Variants in PHEX observed in about 807,000 individuals in gnomAD.
PHEX encodes the protein phosphate-regulating neutral endopeptidase PHEX.
In PHEX, 16 loss-of-function variants were observed where a neutral mutation model predicts 68.0. The ratio of observed to expected loss-of-function variants is 0.24; its 90% CI spans 0.16 to 0.36. PHEX has a LOEUF of 0.36. PHEX is among the 10% of genes least tolerant of loss of function. The pLI, the probability that PHEX is intolerant of heterozygous loss-of-function variation, is 1.00. For synonymous variants in PHEX, 208 were observed against 205.1 expected (o/e 1.01, Z -0.12); for missense variants, 480 against 575.5 (o/e 0.83, Z 1.70).
intron 21 of PHEX, among the ~76,000 whole-genome samples, chrX:22,245,967 T>C (rs1251526408): frequency 9.0e-6 from 1 of 111,387 alleles, no homozygotes; most frequent in Non-Finnish European, 1.9e-5. Flanking sequence ...CAAACATGAA[T>C]GAATGGCCAC....
intron 5 of PHEX, among the ~76,000 whole-genome samples, chrX:22,085,574 CA>C (rs61594590): frequency 0.13 from 6,770 of 52,674 alleles, 277 homozygotes; most frequent in African/African-American, 0.22. Context: ...GACTCCATCT[CA>C]AAAAAAAAAA....
chrX:22,193,911 C>T (rs1934281987), intron 15 of PHEX, among the ~76,000 whole-genome samples: 1 of 112,262 alleles, frequency 8.9e-6, no homozygotes, highest in Non-Finnish European at 1.9e-5. Flanking sequence ...CAACTCTTGG[C>T]ATTGGTAGAT....
In PHEX at chrX:22,077,742, G is replaced by C. The variant is rs1238587607; in HGVS notation, c.663+40G>C. ...CATTCATCTTCTTTGCTCAGTCCTA[G>C]ATTAGCCTTTTGGGGTGCCATCCTG... On this transcript the variant is annotated intron_variant, in intron 5 of 21. Transcript: ENST00000379374. The C allele has an allele frequency of 4.8e-6, 5 of 1,050,848 alleles. No homozygotes were observed. The Admixed American group carries it at 6.6e-5, about 14-fold the overall frequency. 86.6% of individuals were successfully genotyped at this position (1,050,848 alleles called of 1,213,427 possible). A position where few individuals can be genotyped will look rare whatever the true frequency, so the allele number is the denominator to read the frequency against.
rs764916181 is a variant in PHEX, at chrX:22,063,835, C to G, written c.350-12553C>G. On this transcript the variant is annotated intron_variant, in intron 3 of 21. Transcript: ENST00000379374. ...TTCAGTATTTCTGACATATTTATTA[C>G]TTTCCAGAATGGAAATACTAGTTCT... Among the ~76,000 whole-genome samples, 3 of 112,967 alleles carry G rather than the reference C, an allele frequency of 2.7e-5. No individual in the cohort carries two copies. The East Asian group carries it at 8.3e-4, about 31-fold the overall frequency.
intron 9 of PHEX, among the ~76,000 whole-genome samples, chrX:22,108,713 G>A (rs1362368776): frequency 6.3e-5 from 7 of 110,763 alleles, no homozygotes; most frequent in African/African-American, 9.9e-5. Flanking sequence ...AGGCTGAGGC[G>A]GGAGGATCAC....
chrX:22,238,800 G>A (rs898682308), intron 20 of PHEX, among the ~76,000 whole-genome samples: 5 of 111,863 alleles, frequency 4.5e-5, no homozygotes, highest in African/African-American at 1.6e-4. Flanking sequence ...GCATCTAGGG[G>A]AAGGGGCAGC....
chrX:22,091,969 A>G (rs898300586), intron 6 of PHEX, among the ~76,000 whole-genome samples: 1 of 111,624 alleles, frequency 9.0e-6, no homozygotes, highest in African/African-American at 3.3e-5. Flanking sequence ...ATGTGGGGGA[A>G]ACCACCCCCA....
At chrX:22,232,910 A>G (rs1430304206) in intron 20 of PHEX, among the ~76,000 whole-genome samples, 1 of 110,235 alleles carries the variant, frequency 9.1e-6, no homozygotes, top group Non-Finnish European at 1.9e-5. Context: ...TTTCTTTACA[A>G]TTTGGTGTTT....
chrX:22,086,597 C>A (rs899696012), intron 5 of PHEX, among the ~76,000 whole-genome samples: 6 of 111,240 alleles, frequency 5.4e-5, no homozygotes, highest in African/African-American at 2.0e-4. Flanking sequence ...GCAACTGATT[C>A]ATCCTTATAT....
At position 22,076,763 on chromosome X, in the gene PHEX, T is replaced by C. The variant is rs748586421; in HGVS notation, c.436+289T>C. 3.6e-5 allele frequency among the ~76,000 whole-genome samples: 4 copies of C among 112,231 alleles called. No homozygotes were observed. The South Asian group carries it at 1.5e-3, about 41-fold the overall frequency. On this transcript the variant is annotated intron_variant, in intron 4 of 21. Coordinates refer to ENST00000379374, the MANE Select transcript of PHEX (RefSeq NM_000444.6). ...TCAGCAGGGCAAACTCCACTGTATC[T>C]GGTAGAGAATCCAGAAGCCAGGCCA...
At chrX:22,132,108 T>C (rs1397221378) in intron 11 of PHEX, among the ~76,000 whole-genome samples, 1 of 111,059 alleles carries the variant, frequency 9.0e-6, no homozygotes, top group Non-Finnish European at 1.9e-5. Context: ...ATTTTATTAT[T>C]ATTTTTTTAG....
intron 3 of PHEX, among the ~76,000 whole-genome samples, chrX:22,056,875 A>G (rs956708623): frequency 6.4e-5 from 7 of 109,752 alleles, no homozygotes; most frequent in Non-Finnish European, 9.5e-5. Context: ...ATTGTAATCA[A>G]TACTCTAGAA....
rs780324969 is a variant in PHEX at position 22,248,063 on chromosome X, A to T, written c.*110A>T. On this transcript the variant is annotated 3_prime_UTR_variant, in exon 22 of 22. Coordinates refer to ENST00000379374, the MANE Select transcript of PHEX (RefSeq NM_000444.6). ...GCCTGGAGACTTTCATTTTTAGTGC[A>T]TTTTCATTATTTGGGTAGGTGACCT... is the stretch of plus-strand genomic sequence containing the variant. 1 of 563,640 alleles carries T rather than the reference A, an allele frequency of 1.8e-6. No homozygotes were observed. The highest frequency in any genetic ancestry group is 2.4e-5 in the South Asian group (1 of 41,638). The allele number at this position is 563,640 out of a possible 1,213,427, so 46.5% of individuals were successfully genotyped here.
rs1344310642 is a variant in PHEX, at chrX:22,118,211, T to A, written c.1302+3625T>A. Among the ~76,000 whole-genome samples the A allele has an allele frequency of 2.8e-5, 3 of 107,424 alleles. No homozygotes were observed. In the East Asian group the frequency reaches 8.7e-4, roughly 31 times the overall value. 93.3% of individuals were successfully genotyped at this position (107,424 alleles called of 115,157 possible). A position where few individuals can be genotyped will look rare whatever the true frequency, so the allele number is the denominator to read the frequency against. On this transcript the variant is annotated intron_variant, in intron 11 of 21. Coordinates refer to ENST00000379374, the MANE Select transcript of PHEX (RefSeq NM_000444.6). Reference sequence around the variant, plus strand: ...GCATTTTAACAAGGTTTTTTTTTTTTAAGTTGTGTTTGGGGTAGGACCCAA... The same window carrying A: ...GCATTTTAACAAGGTTTTTTTTTTTAAAGTTGTGTTTGGGGTAGGACCCAA...
At chrX:22,065,425 A>G (rs755340304) in intron 3 of PHEX, among the ~76,000 whole-genome samples, 162 of 111,368 alleles carry the variant, frequency 1.5e-3, no homozygotes, top group African/African-American at 5.1e-3. Context: ...TTTAAGGCTC[A>G]AGCATTTTTT....
intron 7 of PHEX, among the ~76,000 whole-genome samples, chrX:22,096,172 C>T (rs1930126042): frequency 8.9e-6 from 1 of 111,931 alleles, no homozygotes; most frequent in Non-Finnish European, 1.9e-5. Flanking sequence ...GGCCCGAAGG[C>T]AAAGTCATGA....
intron 21 of PHEX, among the ~76,000 whole-genome samples, 196 bp downstream of exon 21, chrX:22,245,605 G>A (rs1936369615): frequency 9.0e-6 from 1 of 111,623 alleles, no homozygotes; most frequent in Admixed American, 9.5e-5. Flanking sequence ...GTAGTAAGCT[G>A]GTTTAGTCAG....
rs142755818 is a variant in PHEX at position 22,097,008 on chromosome X, C to G, written c.903C>G (p.Asn301Lys). The change falls in exon 8 of 22, where the codon AAC becomes AAG. Residue 301 changes from asparagine (N) to lysine (K), a missense_variant. Asn to Lys is a moderately conservative substitution (Grantham distance 94, BLOSUM62 0). Coordinates refer to ENST00000379374, the MANE Select transcript of PHEX (RefSeq NM_000444.6). Reference protein sequence around the residue: ...RTSEAMYNKMNISELSAMIPQ... With the variant: ...RTSEAMYNKMKISELSAMIPQ... ...GCGAGGCCATGTACAACAAAATGAA[C>G]ATTTCTGAACTGAGTGCTATGATTC... is the stretch of plus-strand genomic sequence containing the variant. 8.3e-7 allele frequency: 1 copy of G among 1,199,479 alleles called. No homozygotes were observed. Among genetic ancestry groups the G allele is most frequent in the Non-Finnish European group, 1.1e-6 (1 of 885,688 alleles).
At chrX:22,213,036 A>G in intron 16 of PHEX, 78 bp downstream of exon 16, 1 of 776,930 alleles carries the variant, frequency 1.3e-6, no homozygotes, top group Non-Finnish European at 2.0e-6. Flanking sequence ...AGAAGAAACA[A>G]AGTCAAAGGT....
Sources: gnomAD v4.1 joint callset for allele counts (sites outside exome capture counted in the v4.1 genomes callset) on GRCh38, gnomAD v4.1.1 for gene constraint, MANE v1.5 for transcripts, NCBI Gene and HGNC (gene_info 2026-07-23, HGNC 2026-07-21) for gene names.